The following NRXN1 variants were observed in gnomAD, a reference collection of about 807,000 sequenced individuals.
NRXN1 encodes neurexin-1.
Under a neutral mutation model 150.9 loss-of-function variants are expected in NRXN1, and 39 were observed. The ratio of observed to expected loss-of-function variants is 0.26; its 90% confidence interval spans 0.20 to 0.34. The LOEUF (loss-of-function observed/expected upper bound fraction) is 0.34, where lower values mean the gene tolerates loss of function less well. NRXN1 is among the 10% of genes least tolerant of loss of function. The pLI, the probability that NRXN1 is intolerant of heterozygous loss-of-function variation, is 1.00. For synonymous variants in NRXN1, 924 were observed against 757.0 expected, an observed-to-expected ratio of 1.22 and a Z score of -3.62; for missense variants, 1,815 against 1,949.9, an observed-to-expected ratio of 0.93 and a Z score of 1.30.
intron 8 of NRXN1, among the ~76,000 whole-genome samples, chr2:50,570,617 G>A (rs1305039934): frequency 6.6e-6 from 1 of 152,082 alleles, no homozygotes; most frequent in Non-Finnish European, 1.5e-5. Flanking sequence ...CAGGAGCTAT[G>A]TTGACATGTG....
chr2:50,601,383 G>A (rs1039406360), intron 8 of NRXN1, among the ~76,000 whole-genome samples: 1 of 152,158 alleles, frequency 6.6e-6, no homozygotes, highest in Non-Finnish European at 1.5e-5. Flanking sequence ...AGTATAATAC[G>A]TGGTTTGACA....
At chr2:51,003,944 G>A (rs1012473298) in intron 2 of NRXN1, among the ~76,000 whole-genome samples, 1 of 151,678 alleles carries the variant, frequency 6.6e-6, no homozygotes, top group Non-Finnish European at 1.5e-5. Flanking sequence ...TCTTTTCATA[G>A]ACCTGCAGAA....
intron 8 of NRXN1, among the ~76,000 whole-genome samples, chr2:50,557,344 G>A (rs925269500): frequency 2.0e-5 from 3 of 152,110 alleles, no homozygotes; most frequent in African/African-American, 7.2e-5. Flanking sequence ...TATGCAGGAT[G>A]GTGAAATAAG....
chr2:50,412,431 T>C (rs1419844845), intron 17 of NRXN1, among the ~76,000 whole-genome samples: 2 of 152,190 alleles, frequency 1.3e-5, no homozygotes, highest in Non-Finnish European at 2.9e-5. Flanking sequence ...TAAAGGGTTA[T>C]ATACCAGGGC....
intron 17 of NRXN1, among the ~76,000 whole-genome samples, chr2:50,390,995 TTGA>T (rs1339377917): frequency 1.3e-5 from 2 of 151,704 alleles, no homozygotes; most frequent in African/African-American, 4.8e-5. Context: ...AAGCACAGAG[TTGA>T]TGTCATTTAT....
intron 5 of NRXN1, among the ~76,000 whole-genome samples, chr2:50,707,255 CA>C (rs1694565199): frequency 6.6e-6 from 1 of 152,122 alleles, no homozygotes. Flanking sequence ...CACAGCTGTA[CA>C]AAAGACATTC....
At chr2:50,133,923 A>C (rs2152750451) in intron 18 of NRXN1, among the ~76,000 whole-genome samples, 1 of 152,316 alleles carries the variant, frequency 6.6e-6, no homozygotes, top group Non-Finnish European at 1.5e-5. Flanking sequence ...GAAGCAGAAC[A>C]CCTAATAAAA....
At chr2:50,105,630 G>A (rs1358055961) in intron 18 of NRXN1, among the ~76,000 whole-genome samples, 1 of 152,000 alleles carries the variant, frequency 6.6e-6, no homozygotes, top group Non-Finnish European at 1.5e-5. Flanking sequence ...TAGTCATGGA[G>A]TTTTCTACTA....
chr2:51,026,463 T>G, intron 2 of NRXN1: 1 of 1,596,990 alleles, frequency 6.3e-7, no homozygotes, highest in Non-Finnish European at 8.6e-7. Context: ...AAGACCGAAT[T>G]TTATTTCTAA....
intron 22 of NRXN1, among the ~76,000 whole-genome samples, chr2:49,936,359 G>A (rs958462473): frequency 2.0e-5 from 3 of 152,094 alleles, no homozygotes; most frequent in Non-Finnish European, 4.4e-5. Context: ...GCAGAATAAT[G>A]CCTCCATTGG....
Position 50,899,068 on chromosome 2 carries a change from G to A in NRXN1, c.832+22801C>T, listed in dbSNP as rs376692060. On this transcript the variant is annotated intron_variant, in intron 5 of 22. Coordinates refer to ENST00000401669, the MANE Select transcript of NRXN1 (RefSeq NM_001330078.2). ...ATGTATTTTCCATGGAGCATTTGCC[G>A]AAGAACTATTCAGCAGAGACATAAA... 3.9e-4 allele frequency among the ~76,000 whole-genome samples: 60 copies of A among 152,164 alleles called. No individual in the cohort carries two copies. The Middle Eastern group carries it at 0.01, about 26-fold the overall frequency.
At chr2:50,749,219 C>T (rs1341299864) in intron 5 of NRXN1, among the ~76,000 whole-genome samples, 2 of 152,088 alleles carry the variant, frequency 1.3e-5, no homozygotes, top group Non-Finnish European at 2.9e-5. Flanking sequence ...GAAACAACTA[C>T]TGCTATAATT....
chr2:50,621,682 C>T (rs1680050262), intron 6 of NRXN1, among the ~76,000 whole-genome samples: 1 of 152,100 alleles, frequency 6.6e-6, no homozygotes, highest in South Asian at 2.1e-4. Flanking sequence ...TGGCCCACCC[C>T]AGCCCCAGGA....
intron 13 of NRXN1, among the ~76,000 whole-genome samples, chr2:50,500,565 T>C (rs984598221): frequency 6.6e-6 from 1 of 152,174 alleles, no homozygotes; most frequent in Non-Finnish European, 1.5e-5. Flanking sequence ...AAGAAAAAAT[T>C]ATAAGACTTC....
At chr2:50,386,275 G>A (rs1004091678) in intron 17 of NRXN1, among the ~76,000 whole-genome samples, 1 of 151,942 alleles carries the variant, frequency 6.6e-6, no homozygotes, top group African/African-American at 2.4e-5. Context: ...TGCACTTAAG[G>A]TTTAAAAGAT....
intron 21 of NRXN1, among the ~76,000 whole-genome samples, chr2:49,955,947 A>C (rs10165762): frequency 1.3e-5 from 2 of 152,182 alleles, no homozygotes; most frequent in Non-Finnish European, 2.9e-5. Context: ...AAGGAATAAA[A>C]ATACAATTTT....
At chr2:50,898,648 A>T (rs1288106453) in intron 5 of NRXN1, 1 of 432,898 alleles carries the variant, frequency 2.3e-6, no homozygotes, top group African/African-American at 2.1e-5. Context: ...TACAATCTAA[A>T]TTCCCACATT....
Position 50,149,581 on chromosome 2 carries a change from C to A in NRXN1, c.3547-58087G>T, listed in dbSNP as rs552110548. Among the ~76,000 whole-genome samples, 57 of 151,788 alleles carry A rather than the reference C, an allele frequency of 3.8e-4. 1 individual carries two copies. In the South Asian group the frequency reaches 0.012, roughly 32 times the overall value. On this transcript the variant is annotated intron_variant, in intron 18 of 22. Transcript: ENST00000401669. ...TTCTAGTGCTCCTGGGCTCCCATAG[C>A]ACCTTGTATATACCTCTTTGATAAA... is the stretch of plus-strand genomic sequence containing the variant.
chr2:50,077,855 A>G lies in NRXN1; in HGVS notation c.3718+13468T>C, dbSNP rs1697333078. Among the ~76,000 whole-genome samples the G allele has an allele frequency of 2.0e-5, 3 of 152,036 alleles. No homozygotes were observed. The South Asian group carries it at 6.2e-4, about 32-fold the overall frequency. On this transcript the variant is annotated intron_variant, in intron 19 of 22. Transcript: ENST00000401669. ...TATAGATAATATGCCCAAGATGACA[A>G]ATTACTTCAATAATACTTAACATGA...
Sources: allele counts gnomAD v4.1 joint callset (sites outside exome capture counted in the v4.1 genomes callset), GRCh38; gene constraint gnomAD v4.1.1; transcripts MANE v1.5; gene names NCBI Gene and HGNC (gene_info 2026-07-23, HGNC 2026-07-21).